The following VGLL3 variants were observed in gnomAD, a reference collection of about 807,000 sequenced individuals.
VGLL3 encodes the protein vestigial like family member 3, also known as transcription cofactor vestigial-like protein 3.
VGLL3 carries 18 observed loss-of-function variants against 29.2 expected under a neutral mutation model. The ratio of observed to expected loss-of-function variants is 0.62; its 90% CI spans 0.43 to 0.91. The LOEUF (loss-of-function observed/expected upper bound fraction) is 0.91. VGLL3 is among the 40% of genes least tolerant of loss of function. The probability of loss-of-function intolerance (pLI) is 0.00; values close to 1 mark genes in which losing one functional copy is unlikely to be tolerated. For missense variants in VGLL3, 440 were observed against 413.2 expected (o/e 1.06, Z -0.56); for synonymous variants, 180 against 151.8 (o/e 1.19, Z -1.36).
chr3:86,989,564 C>A (rs909380980), intron 1 of VGLL3, among the ~76,000 whole-genome samples: 1 of 151,984 alleles, frequency 6.6e-6, no homozygotes, highest in South Asian at 2.1e-4. Context: ...ACAGCCCAAA[C>A]CTAAGAAGGT....
At chr3:86,960,898 C>A (rs1559723888) in intron 3 of VGLL3, among the ~76,000 whole-genome samples, 1 of 146,938 alleles carries the variant, frequency 6.8e-6, no homozygotes, top group Non-Finnish European at 1.5e-5. Flanking sequence ...ATTTCATGGA[C>A]CTGCGAAATA....
chr3:86,940,276 A>T lies in VGLL3; in HGVS notation c.*6748T>A, dbSNP rs556489939. 1.3e-5 allele frequency: 2 copies of T among 152,490 alleles called. No individual in the cohort carries two copies. The highest frequency in any genetic ancestry group is 2.4e-5 in the African/African-American group (1 of 41,434). 9.4% of individuals were successfully genotyped at this position (152,490 alleles called of 1,614,324 possible). A position where few individuals can be genotyped will look rare whatever the true frequency, so the allele number is the denominator to read the frequency against. On this transcript the variant is annotated 3_prime_UTR_variant, in exon 4 of 4. Coordinates refer to ENST00000398399, the MANE Select transcript of VGLL3 (RefSeq NM_016206.4). ...TAGAAAAGTTTTTGTTTGTTTTTTC[A>T]TACTACTTATGGCAGAGTCCCTGTC...
chr3:86,951,084 CAT>C (rs978430250), intron 3 of VGLL3, among the ~76,000 whole-genome samples: 1 of 151,226 alleles, frequency 6.6e-6, no homozygotes, highest in Admixed American at 6.6e-5. Context: ...GAAATAAAAA[CAT>C]AAAAAAAAAG....
rs1000395071 is a variant in VGLL3, at chr3:86,990,946, C to T, written c.-203G>A. 4 of 1,075,538 alleles carry T rather than the reference C, an allele frequency of 3.7e-6. No individual in the cohort carries two copies. Among genetic ancestry groups the T allele is most frequent in the Non-Finnish European group, 4.5e-6 (4 of 887,816 alleles). 66.6% of individuals were successfully genotyped at this position (1,075,538 alleles called of 1,614,324 possible). A position where few individuals can be genotyped will look rare whatever the true frequency, so the allele number is the denominator to read the frequency against. On this transcript the variant is annotated 5_prime_UTR_variant, in exon 1 of 4. Coordinates refer to ENST00000398399, the MANE Select transcript of VGLL3 (RefSeq NM_016206.4). Reference sequence around the variant, plus strand: ...CTGGCAATCAGCGGGGGCCCATGCGCGGGCACCTTCATCTTCAGCCCCTCC... The same window carrying T: ...CTGGCAATCAGCGGGGGCCCATGCGTGGGCACCTTCATCTTCAGCCCCTCC...
chr3:86,955,493 G>A (rs768660891), intron 3 of VGLL3, among the ~76,000 whole-genome samples: 2 of 151,068 alleles, frequency 1.3e-5, no homozygotes, highest in Admixed American at 6.6e-5. Flanking sequence ...GGGTTCAAGC[G>A]ATTCTCATGC....
rs1310628250 is a variant in VGLL3 at position 86,942,305 on chromosome 3, A to G, written c.*4719T>C. The G allele has an allele frequency of 6.6e-6, 1 of 152,176 alleles. No homozygotes were observed. Among genetic ancestry groups the G allele is most frequent in the African/African-American group, 2.4e-5 (1 of 41,442 alleles). The allele number at this position is 152,176 out of a possible 1,614,324, so 9.4% of individuals were successfully genotyped here. A position where few individuals can be genotyped will look rare whatever the true frequency, so the allele number is the denominator to read the frequency against. On this transcript the variant is annotated 3_prime_UTR_variant, in exon 4 of 4. Coordinates refer to ENST00000398399, the MANE Select transcript of VGLL3 (RefSeq NM_016206.4). ...CAATCAGGAATCCAAACTGCCATCA[A>G]TACCCCTTTGTAACTGCAATGGCTC... is the stretch of plus-strand genomic sequence containing the variant.
chr3:86,949,734 G>A (rs1253588794), intron 3 of VGLL3, among the ~76,000 whole-genome samples: 1 of 151,436 alleles, frequency 6.6e-6, no homozygotes, highest in Non-Finnish European at 1.5e-5. Context: ...GGCTGAGGCA[G>A]GAGAATGGCG....
At position 86,946,111 on chromosome 3, in the gene VGLL3, T is replaced by C. The variant is rs895097114; in HGVS notation, c.*913A>G. The C allele has an allele frequency of 2.0e-5, 3 of 152,198 alleles. No homozygotes were observed. Among genetic ancestry groups the C allele is most frequent in the Admixed American group, 6.5e-5 (1 of 15,278 alleles). 9.4% of individuals were successfully genotyped at this position (152,198 alleles called of 1,614,324 possible). ...GCATTTTTTTCCTTGTAGTTGTATATAACCTCTGGTTCCATTTATCAAATT... is the reference window on the plus strand; with the variant it reads ...GCATTTTTTTCCTTGTAGTTGTATACAACCTCTGGTTCCATTTATCAAATT... On this transcript the variant is annotated 3_prime_UTR_variant, in exon 4 of 4. Transcript: ENST00000398399.
Position 86,990,784 on chromosome 3 carries a change from C to A in VGLL3, c.-41G>T. ...GGCGGCCCCCGAGCTGCCGCCGCCGCTCTACGCGCTGGCGCGAGGGGCGCG... is the reference window on the plus strand; with the variant it reads ...GGCGGCCCCCGAGCTGCCGCCGCCGATCTACGCGCTGGCGCGAGGGGCGCG... On this transcript the variant is annotated 5_prime_UTR_variant, in exon 1 of 4. Coordinates refer to ENST00000398399, the MANE Select transcript of VGLL3 (RefSeq NM_016206.4). 1 of 1,269,412 alleles carries A rather than the reference C, an allele frequency of 7.9e-7. No homozygotes were observed. The highest frequency in any genetic ancestry group is 1.0e-6 in the Non-Finnish European group (1 of 1,003,332). 78.6% of individuals were successfully genotyped at this position (1,269,412 alleles called of 1,614,324 possible).
intron 3 of VGLL3, among the ~76,000 whole-genome samples, chr3:86,950,929 T>C (rs1000478180): frequency 2.0e-5 from 3 of 152,292 alleles, no homozygotes; most frequent in South Asian, 4.1e-4. Context: ...ACTCCAGAGT[T>C]TGAGTTTGAA....
chr3:86,951,958 G>C (rs1278860310), intron 3 of VGLL3, among the ~76,000 whole-genome samples: 1 of 152,140 alleles, frequency 6.6e-6, no homozygotes, highest in Non-Finnish European at 1.5e-5. Flanking sequence ...ACATTAGAAA[G>C]AATATTGTAT....
intron 1 of VGLL3, among the ~76,000 whole-genome samples, chr3:86,986,585 A>T (rs1705446248): frequency 6.6e-6 from 1 of 152,108 alleles, no homozygotes; most frequent in East Asian, 1.9e-4. Flanking sequence ...AATTTTTATA[A>T]ATCTACTTAA....
At chr3:86,976,011 G>A (rs1265571640) in intron 2 of VGLL3, among the ~76,000 whole-genome samples, 1 of 152,076 alleles carries the variant, frequency 6.6e-6, no homozygotes, top group Non-Finnish European at 1.5e-5. Flanking sequence ...CTACTCAGGA[G>A]GCTGAGGCAG....
At chr3:86,962,629 A>T in intron 3 of VGLL3, 1 of 911,980 alleles carries the variant, frequency 1.1e-6, no homozygotes, top group Non-Finnish European at 1.3e-6. Flanking sequence ...CAAAAAATAT[A>T]GAAATACATA....
At chr3:86,966,565 C>T (rs1221296927) in intron 3 of VGLL3, among the ~76,000 whole-genome samples, 1 of 151,460 alleles carries the variant, frequency 6.6e-6, no homozygotes, top group East Asian at 2.0e-4. Context: ...TTGAATTCAC[C>T]TAATTTTATC....
chr3:86,961,469 A>T (rs1704841275), intron 3 of VGLL3, among the ~76,000 whole-genome samples: 2 of 152,268 alleles, frequency 1.3e-5, no homozygotes, highest in Middle Eastern at 3.4e-3. Context: ...TGACCACTAA[A>T]AGAGGACTAC....
intron 3 of VGLL3, among the ~76,000 whole-genome samples, chr3:86,947,280 C>T (rs1015733780): frequency 6.6e-6 from 1 of 152,118 alleles, no homozygotes; most frequent in African/African-American, 2.4e-5. Flanking sequence ...GACAAAAACA[C>T]AAGACTAGGA....
At position 86,977,849 on chromosome 3, in the gene VGLL3, C is replaced by T. The variant is rs141022978; in HGVS notation, c.403+677G>A. Among the ~76,000 whole-genome samples the T allele has an allele frequency of 4.9e-4, 75 of 152,330 alleles. 3 individuals carry two copies. In the East Asian group the frequency reaches 0.014, roughly 27 times the overall value. Reference sequence around the variant, plus strand: ...TGACGTATTATGTTTTTATCTAACCCTGTAATTACCCTGATTTAGATGTCA... The same window carrying T: ...TGACGTATTATGTTTTTATCTAACCTTGTAATTACCCTGATTTAGATGTCA... On this transcript the variant is annotated intron_variant, in intron 2 of 3. Transcript: ENST00000398399.
Position 86,990,608 on chromosome 3 carries a change from G to C in VGLL3, c.126+10C>G. 4 of 1,341,138 alleles carry C rather than the reference G, an allele frequency of 3.0e-6. No homozygotes were observed. Among genetic ancestry groups the C allele is most frequent in the Non-Finnish European group, 2.9e-6 (3 of 1,037,044 alleles). 83.1% of individuals were successfully genotyped at this position (1,341,138 alleles called of 1,614,324 possible). A position where few individuals can be genotyped will look rare whatever the true frequency, so the allele number is the denominator to read the frequency against. The stretch of plus-strand genomic sequence containing the variant: ...CCCGCCCCCAGCAGGCTGCCCGTCC[G>C]GTGACTCACCTGCTGGCCAGGTTGG... On this transcript the variant is annotated intron_variant, in intron 1 of 3. Coordinates refer to ENST00000398399, the MANE Select transcript of VGLL3 (RefSeq NM_016206.4).
Sources: allele counts gnomAD v4.1 joint callset (sites outside exome capture counted in the v4.1 genomes callset), GRCh38; gene constraint gnomAD v4.1.1; transcripts MANE v1.5; gene names NCBI Gene and HGNC (gene_info 2026-07-23, HGNC 2026-07-21).